PDSS2: variants seen among roughly 807,000 people sequenced by gnomAD.
The protein encoded by PDSS2 is decaprenyl diphosphate synthase subunit 2.
PDSS2 carries 31 observed loss-of-function variants against 44.5 expected under a neutral mutation model. That is an observed-to-expected ratio of 0.70 (90% confidence interval 0.52 to 0.94). PDSS2 has a LOEUF of 0.94. PDSS2 is among the 40% of genes least tolerant of loss of function. PDSS2 has a pLI of 0.00. For missense variants in PDSS2, 452 were observed against 482.2 expected (o/e 0.94, Z 0.59); for synonymous variants, 157 against 180.3 (o/e 0.87, Z 1.03).
At chr6:107,233,942 G>A (rs1774140789) in intron 4 of PDSS2, among the ~76,000 whole-genome samples, 1 of 152,162 alleles carries the variant, frequency 6.6e-6, no homozygotes, top group African/African-American at 2.4e-5. Context: ...TGAGGCAAGA[G>A]GATTGCTTGA....
intron 1 of PDSS2, among the ~76,000 whole-genome samples, chr6:107,354,968 C>T (rs1778549872): frequency 6.6e-6 from 1 of 151,738 alleles, no homozygotes; most frequent in African/African-American, 2.4e-5. Flanking sequence ...TCCACTCTGT[C>T]ACCAGGCTGG....
In PDSS2 at chr6:107,232,243, A is replaced by C. The variant is rs1004762525; in HGVS notation, c.702+13305T>G. The stretch of plus-strand genomic sequence containing the variant: ...TCATGTTTATACTACATATATTTTC[A>C]TAACACCTGTCTGCCCCTCTGAAAT... On this transcript the variant is annotated intron_variant, in intron 4 of 7. Coordinates refer to ENST00000369037, the MANE Select transcript of PDSS2 (RefSeq NM_020381.4). 2.6e-5 allele frequency among the ~76,000 whole-genome samples: 4 copies of C among 152,134 alleles called. No individual in the cohort carries two copies. The East Asian group carries it at 7.7e-4, about 29-fold the overall frequency.
rs779427055 is a variant in PDSS2 at position 107,355,393 on chromosome 6, T to G, written c.297-21061A>C. ...AAAACAAAAATTTTCAATTGAAACA[T>G]TTTAAAACTGGCAAAGACTGTACTA... is the stretch of plus-strand genomic sequence containing the variant. On this transcript the variant is annotated intron_variant, in intron 1 of 7. Transcript: ENST00000369037. Among the ~76,000 whole-genome samples the G allele has an allele frequency of 2.7e-4, 41 of 152,214 alleles. 2 individuals are homozygous for G. The highest frequency in any genetic ancestry group is 2.5e-4 in the Non-Finnish European group (17 of 68,032).
chr6:107,347,031 A>G (rs1185433771), intron 1 of PDSS2, among the ~76,000 whole-genome samples: 2 of 152,144 alleles, frequency 1.3e-5, no homozygotes, highest in African/African-American at 2.4e-5. Context: ...GAGGCTGGGA[A>G]AAGTCTGCAG....
rs58991885 is a variant in PDSS2 at position 107,310,284 on chromosome 6, C to CA, written c.431+23913dup. On this transcript the variant is annotated intron_variant, in intron 2 of 7. Coordinates refer to ENST00000369037, the MANE Select transcript of PDSS2 (RefSeq NM_020381.4). ...TGGGCGACAGAGCAAGACTCCATCC[C>CA]AAAAAAAAAAAAAAAAAAAAAGAGA... 6.5e-3 allele frequency among the ~76,000 whole-genome samples: 586 copies of CA among 90,128 alleles called. 3 individuals carry two copies. The highest frequency in any genetic ancestry group is 0.017 in the African/African-American group (378 of 22,092). The allele number at this position is 90,128 out of a possible 152,430, so 59.1% of individuals were successfully genotyped here.
At chr6:107,294,699 C>T (rs1193395233) in intron 2 of PDSS2, among the ~76,000 whole-genome samples, 1 of 152,082 alleles carries the variant, frequency 6.6e-6, no homozygotes, top group African/African-American at 2.4e-5. Flanking sequence ...TAGTTATTAG[C>T]CCTATTTTAC....
At chr6:107,451,785 C>T (rs1781874740) in intron 1 of PDSS2, among the ~76,000 whole-genome samples, 1 of 152,136 alleles carries the variant, frequency 6.6e-6, no homozygotes, top group Non-Finnish European at 1.5e-5. Flanking sequence ...TTGCAGCCTC[C>T]AATCTAGCGC....
intron 2 of PDSS2, among the ~76,000 whole-genome samples, chr6:107,299,163 A>AAAG: frequency 6.9e-6 from 1 of 144,762 alleles, no homozygotes; most frequent in Middle Eastern, 3.4e-3. Flanking sequence ...AAAAAAAAAA[A>AAAG]AAAAAAGAAA....
At chr6:107,189,742 T>C (rs1305128235) in intron 7 of PDSS2, among the ~76,000 whole-genome samples, 3 of 152,194 alleles carry the variant, frequency 2.0e-5, no homozygotes, top group African/African-American at 7.2e-5. Flanking sequence ...CCAGGGGTGC[T>C]CTTATTTGTG....
intron 1 of PDSS2, among the ~76,000 whole-genome samples, chr6:107,427,116 G>A (rs1199614174): frequency 2.0e-5 from 3 of 152,138 alleles, no homozygotes; most frequent in African/African-American, 7.2e-5. Context: ...ATTCCCATGT[G>A]TTGTGGGAGG....
intron 2 of PDSS2, among the ~76,000 whole-genome samples, chr6:107,331,986 G>C (rs1366646962): frequency 6.6e-6 from 1 of 152,022 alleles, no homozygotes; most frequent in Non-Finnish European, 1.5e-5. Context: ...GGCAATGTGA[G>C]GTCCATTTGC....
At position 107,152,809 on chromosome 6, in the gene PDSS2, A is replaced by C. The variant is rs1012225009; in HGVS notation, c.*1810T>G. 6.6e-6 allele frequency: 1 copy of C among 152,206 alleles called. No homozygotes were observed. Among genetic ancestry groups the C allele is most frequent in the African/African-American group, 2.4e-5 (1 of 41,452 alleles). The allele number at this position is 152,206 out of a possible 1,614,324, so 9.4% of individuals were successfully genotyped here. A position where few individuals can be genotyped will look rare whatever the true frequency, so the allele number is the denominator to read the frequency against. ...TGAAGTTCCTGCACATCCAACCAGC[A>C]CACCTAACGCAAAGTATGACTTCTT... On this transcript the variant is annotated 3_prime_UTR_variant, in exon 8 of 8. Coordinates refer to ENST00000369037, the MANE Select transcript of PDSS2 (RefSeq NM_020381.4).
At chr6:107,260,628 T>A (rs916179511) in intron 3 of PDSS2, among the ~76,000 whole-genome samples, 1 of 151,488 alleles carries the variant, frequency 6.6e-6, no homozygotes, top group African/African-American at 2.4e-5. Flanking sequence ...CTTCCAGAAG[T>A]AAAATTAATT....
intron 1 of PDSS2, among the ~76,000 whole-genome samples, chr6:107,394,254 C>T (rs1399061944): frequency 6.6e-6 from 1 of 152,102 alleles, no homozygotes; most frequent in Non-Finnish European, 1.5e-5. Context: ...CCATTCCCTG[C>T]ATTGCTATGA....
At chr6:107,169,607 T>C (rs2114362762) in intron 7 of PDSS2, among the ~76,000 whole-genome samples, 1 of 152,240 alleles carries the variant, frequency 6.6e-6, no homozygotes, top group East Asian at 1.9e-4. Context: ...ATCTTTGTGG[T>C]TTTATCTACA....
intron 7 of PDSS2, among the ~76,000 whole-genome samples, chr6:107,190,103 T>C (rs1241800869): frequency 2.7e-5 from 4 of 150,420 alleles, no homozygotes; most frequent in African/African-American, 9.8e-5. Context: ...AAAACAAAAA[T>C]AACCAAAATA....
At chr6:107,441,725 T>G (rs1258239523) in intron 1 of PDSS2, among the ~76,000 whole-genome samples, 1 of 152,146 alleles carries the variant, frequency 6.6e-6, no homozygotes, top group African/African-American at 2.4e-5. Context: ...CTGCTCAGAA[T>G]CCATTCCCCT....
chr6:107,296,087 T>C (rs1776499417), intron 2 of PDSS2, among the ~76,000 whole-genome samples: 1 of 152,190 alleles, frequency 6.6e-6, no homozygotes, highest in Admixed American at 6.5e-5. Flanking sequence ...ATGTTCCAAA[T>C]GGAGGGCTGC....
At chr6:107,201,893 C>T (rs1772791862) in intron 6 of PDSS2, among the ~76,000 whole-genome samples, 1 of 152,210 alleles carries the variant, frequency 6.6e-6, no homozygotes, top group Admixed American at 6.5e-5. Context: ...TTAGATTCAA[C>T]AGTTGCTAAC....
Sources: gnomAD v4.1 joint callset for allele counts (sites outside exome capture counted in the v4.1 genomes callset) on GRCh38, gnomAD v4.1.1 for gene constraint, MANE v1.5 for transcripts, NCBI Gene and HGNC (gene_info 2026-07-23, HGNC 2026-07-21) for gene names.